TCP11L1: variants seen among roughly 807,000 people sequenced by gnomAD.
TCP11L1 encodes the protein t-complex 11 like 1, also known as T-complex protein 11-like protein 1.
A neutral mutation model predicts 48.9 loss-of-function variants in TCP11L1; 28 were observed. That is an observed-to-expected ratio of 0.57 (90% CI 0.42 to 0.78). TCP11L1 has a LOEUF of 0.78. Among genes scored for constraint, TCP11L1 ranks in the 30% least tolerant of loss-of-function variants. TCP11L1 has a pLI of 0.00. For synonymous variants in TCP11L1, 204 were observed against 231.9 expected, an observed-to-expected ratio of 0.88 and a Z score of 1.09; for missense variants, 505 against 613.4, an observed-to-expected ratio of 0.82 and a Z score of 1.87.
At chr11:33,059,973 C>T (rs953449109) in intron 6 of TCP11L1, among the ~76,000 whole-genome samples, 3 of 152,152 alleles carry the variant, frequency 2.0e-5, no homozygotes, top group Non-Finnish European at 4.4e-5. Flanking sequence ...GCTGATGAGC[C>T]AGGCACCTTT....
chr11:33,071,026 G>T (rs1854774283), intron 9 of TCP11L1, among the ~76,000 whole-genome samples: 1 of 151,616 alleles, frequency 6.6e-6, no homozygotes, highest in Non-Finnish European at 1.5e-5. Context: ...AAGAAGAAGG[G>T]TGATAGGGCT....
intron 3 of TCP11L1, 29 bp downstream of exon 3, chr11:33,054,754 A>G (rs984196274): frequency 6.3e-7 from 1 of 1,591,058 alleles, no homozygotes; most frequent in Non-Finnish European, 8.6e-7. Context: ...TATCTTGCTT[A>G]GTAGAACACT....
chr11:33,066,549 C>T (rs960862200), intron 8 of TCP11L1, among the ~76,000 whole-genome samples: 2 of 151,956 alleles, frequency 1.3e-5, no homozygotes, highest in African/African-American at 4.8e-5. Flanking sequence ...TTAGAGGTCC[C>T]GCGGCCCTCC....
At chr11:33,057,450 A>AG (rs1395267467) in intron 4 of TCP11L1, among the ~76,000 whole-genome samples, 1 of 152,254 alleles carries the variant, frequency 6.6e-6, no homozygotes, top group African/African-American at 2.4e-5. Flanking sequence ...AAGACAACAA[A>AG]GTTATTTCAC....
intron 2 of TCP11L1, 64 bp downstream of exon 2, chr11:33,044,000 G>C: frequency 1.3e-6 from 2 of 1,488,310 alleles, no homozygotes; most frequent in Non-Finnish European, 1.8e-6. Context: ...GGTTTTATGA[G>C]GCCTCCTTGT....
intron 6 of TCP11L1, 73 bp from the exon 7 acceptor site, chr11:33,061,457 T>G: frequency 3.6e-6 from 5 of 1,399,560 alleles, no homozygotes; most frequent in Non-Finnish European, 4.8e-6. Context: ...AGGACATCGA[T>G]TGTCCCTTAA....
intron 2 of TCP11L1, among the ~76,000 whole-genome samples, chr11:33,049,996 T>C (rs1854112337): frequency 6.6e-6 from 1 of 152,168 alleles, no homozygotes; most frequent in Non-Finnish European, 1.5e-5. Context: ...CCTTCCGCAG[T>C]GTATTGTGTC....
chr11:33,063,937 A>C (rs1386889568), intron 7 of TCP11L1, among the ~76,000 whole-genome samples: 1 of 152,140 alleles, frequency 6.6e-6, no homozygotes, highest in Admixed American at 6.5e-5. Flanking sequence ...GGAAGTTCTC[A>C]GCCTGACATG....
At chr11:33,044,608 G>C (rs1452419936) in intron 2 of TCP11L1, among the ~76,000 whole-genome samples, 1 of 152,246 alleles carries the variant, frequency 6.6e-6, no homozygotes, top group African/African-American at 2.4e-5. Flanking sequence ...AATTGTAGAT[G>C]ATCAGTAGTT....
intron 7 of TCP11L1, among the ~76,000 whole-genome samples, chr11:33,061,992 A>G (rs918396508): frequency 3.3e-5 from 5 of 152,120 alleles, no homozygotes; most frequent in African/African-American, 7.2e-5. Context: ...TGAGGCAGAG[A>G]ATTGCTTGAA....
At chr11:33,048,162 G>T (rs1347051590) in intron 2 of TCP11L1, among the ~76,000 whole-genome samples, 1 of 151,094 alleles carries the variant, frequency 6.6e-6, no homozygotes, top group African/African-American at 2.4e-5. Context: ...TAAACTCCAG[G>T]GTAAGTTACA....
At chr11:33,050,568 A>G (rs1854129670) in intron 2 of TCP11L1, among the ~76,000 whole-genome samples, 1 of 152,100 alleles carries the variant, frequency 6.6e-6, no homozygotes, top group Non-Finnish European at 1.5e-5. Flanking sequence ...AGTCCCAGCT[A>G]TTTGGGAGGT....
chr11:33,055,479 G>A (rs1411805989), intron 3 of TCP11L1, among the ~76,000 whole-genome samples: 2 of 152,188 alleles, frequency 1.3e-5, no homozygotes, highest in Admixed American at 1.3e-4. Context: ...ACAGACATCT[G>A]CTAATATTTT....
At chr11:33,040,415 A>T (rs1406645602) in intron 1 of TCP11L1, 1 of 152,174 alleles carries the variant, frequency 6.6e-6, no homozygotes, top group Non-Finnish European at 1.5e-5. Flanking sequence ...ACAGAGGAGG[A>T]CACTGAAGTT....
chr11:33,053,532 T>C (rs891131817), intron 2 of TCP11L1, among the ~76,000 whole-genome samples: 3 of 152,194 alleles, frequency 2.0e-5, no homozygotes, highest in Non-Finnish European at 4.4e-5. Context: ...AAAAGAGAAG[T>C]ATGGACACAA....
intron 2 of TCP11L1, among the ~76,000 whole-genome samples, chr11:33,048,340 T>C (rs534306963): frequency 1.1e-4 from 16 of 152,300 alleles, no homozygotes; most frequent in Non-Finnish European, 1.9e-4. Flanking sequence ...ATGGCTCTTA[T>C]TACAACCCAG....
intron 7 of TCP11L1, among the ~76,000 whole-genome samples, chr11:33,064,921 G>A (rs1441683164): frequency 1.3e-5 from 2 of 152,202 alleles, no homozygotes; most frequent in East Asian, 3.9e-4. Context: ...CCTCCCAGTA[G>A]CTGGGACTGC....
At chr11:33,068,922 C>A in intron 9 of TCP11L1, 63 bp downstream of exon 9, 1 of 1,557,144 alleles carries the variant, frequency 6.4e-7, no homozygotes. Context: ...ACGAGTCCAT[C>A]TGAAGAAACC....
chr11:33,050,232 G>A (rs1026998862), intron 2 of TCP11L1, among the ~76,000 whole-genome samples: 2 of 152,204 alleles, frequency 1.3e-5, no homozygotes, highest in Non-Finnish European at 2.9e-5. Context: ...AGTCTCTTAT[G>A]TCTACTTCTT....
Sources: gnomAD v4.1 joint callset for allele counts (sites outside exome capture counted in the v4.1 genomes callset) on GRCh38, gnomAD v4.1.1 for gene constraint, MANE v1.5 for transcripts, NCBI Gene and HGNC (gene_info 2026-07-23, HGNC 2026-07-21) for gene names.